The following CHD1L variants were observed in gnomAD, a reference collection of about 807,000 sequenced individuals.
CHD1L encodes chromodomain helicase DNA binding protein 1 like.
CHD1L carries 118 observed loss-of-function variants against 115.9 expected under a neutral mutation model. The ratio of observed to expected loss-of-function variants is 1.02; its 90% CI spans 0.88 to 1.19. The LOEUF is 1.19. CHD1L is among the 50% of genes most tolerant of loss of function. The pLI is 0.00. For synonymous variants in CHD1L, 411 were observed against 387.1 expected, an observed-to-expected ratio of 1.06 and a Z score of -0.72; for missense variants, 1,179 against 1,065.3, an observed-to-expected ratio of 1.11 and a Z score of -1.49.
chr1:147,278,503 A>G lies in CHD1L; in HGVS notation c.1540-1523A>G, dbSNP rs1247972809. ...CTCCTAAAGTGCTGGGATTACAGGC[A>G]TGAGCCACTGCGCCTGGGGGTATTT... On this transcript the variant is annotated intron_variant, in intron 14 of 22. Coordinates refer to ENST00000369258, the MANE Select transcript of CHD1L (RefSeq NM_004284.6). 6.2e-5 allele frequency among the ~76,000 whole-genome samples: 9 copies of G among 145,614 alleles called. No homozygotes were observed. The East Asian group carries it at 1.0e-3, about 16-fold the overall frequency.
the CHD1L span, among the ~76,000 whole-genome samples, chr1:147,192,334 C>CT: frequency 6.6e-6 from 1 of 151,732 alleles, no homozygotes; most frequent in Non-Finnish European, 1.5e-5. Context: ...GTGTATAAGA[C>CT]TGCTTGTGAT....
At chr1:147,186,941 G>C in the CHD1L span, 11 of 1,614,016 alleles carry the variant, frequency 6.8e-6, no homozygotes, top group South Asian at 9.9e-5. Context: ...GCAAGAGCTA[G>C]CATAAACTTG....
the CHD1L span, among the ~76,000 whole-genome samples, chr1:147,202,305 A>C: frequency 8.4e-5 from 11 of 131,328 alleles, no homozygotes; most frequent in Admixed American, 7.7e-4. Flanking sequence ...CTTTCTAAAA[A>C]GCAGTTCTTT....
chr1:147,203,629 C>T, the CHD1L span: 3 of 1,258,712 alleles, frequency 2.4e-6, no homozygotes, highest in Non-Finnish European at 3.5e-6. Context: ...TAATAGCGTA[C>T]TGTTCAAGTC....
chr1:147,220,113 C>T, the CHD1L span, among the ~76,000 whole-genome samples: 1 of 152,158 alleles, frequency 6.6e-6, no homozygotes, highest in Admixed American at 6.5e-5. Context: ...GCTGGGATTA[C>T]AGGCATGAGC....
the CHD1L span, chr1:147,176,014 G>A: frequency 6.6e-6 from 1 of 151,008 alleles, no homozygotes. Flanking sequence ...GGGGAGGTAT[G>A]GAACAGGTCT....
At position 147,285,397 on chromosome 1, in the gene CHD1L, GA is replaced by G. The variant is rs782144677; in HGVS notation, c.1929del (p.Arg643SerfsTer16). The stretch of plus-strand genomic sequence containing the variant: ...CTGAGTCCAGAAGAGCTGGAGGACA[GA>G]CAGAAGAAAAGACAAGAAGCAGCTG... The part of the protein sequence containing the change: ...RVLSPEELED[R>X]QKKRQEAAAK... On this transcript the variant is annotated frameshift_variant, in exon 17 of 23. Transcript: ENST00000369258. LOFTEE classifies it high-confidence loss of function. The G allele has an allele frequency of 4.2e-5, 67 of 1,613,948 alleles. No individual in the cohort carries two copies. In the Middle Eastern group the frequency reaches 6.6e-4, roughly 16 times the overall value.
At chr1:147,180,552 G>A in the CHD1L span, among the ~76,000 whole-genome samples, 5,610 of 152,252 alleles carry the variant, frequency 0.037, 149 homozygotes, top group South Asian at 0.095. Flanking sequence ...TGGCCTCCCA[G>A]AGTGCTGGGA....
intron 14 of CHD1L, among the ~76,000 whole-genome samples, chr1:147,277,908 G>C (rs1207746874): frequency 6.6e-6 from 1 of 152,136 alleles, no homozygotes; most frequent in African/African-American, 2.4e-5. Context: ...CCAGTGGAGG[G>C]AGCGCCAGGG....
intron 1 of CHD1L, among the ~76,000 whole-genome samples, chr1:147,245,851 G>A (rs4950391): frequency 0.48 from 73,147 of 151,796 alleles, 18,235 homozygotes; most frequent in East Asian, 0.7. Context: ...GAAATAATAC[G>A]GAAGGATCCC....
chr1:147,249,831 T>G (rs1448166582), intron 1 of CHD1L, among the ~76,000 whole-genome samples: 1 of 152,236 alleles, frequency 6.6e-6, no homozygotes, highest in African/African-American at 2.4e-5. Context: ...CTGTTTTTAT[T>G]GGACAACATT....
At chr1:147,267,349 A>T in intron 8 of CHD1L, 77 bp from the exon 9 acceptor site, 1 of 1,067,596 alleles carries the variant, frequency 9.4e-7, no homozygotes, top group South Asian at 1.4e-5. Context: ...GGTTACTTGT[A>T]AAAACTCAGG....
chr1:147,230,973 A>AT, the CHD1L span, among the ~76,000 whole-genome samples: 5 of 150,992 alleles, frequency 3.3e-5, no homozygotes, highest in Non-Finnish European at 7.4e-5. Flanking sequence ...GGATTCATTG[A>AT]TTTTTTGAAG....
intron 13 of CHD1L, 47 bp from the exon 14 acceptor site, chr1:147,276,057 C>G (rs1304479287): frequency 2.5e-6 from 4 of 1,586,434 alleles, no homozygotes; most frequent in Non-Finnish European, 3.4e-6. Flanking sequence ...TTTTGCCCAG[C>G]TTTGCACACC....
At chr1:147,234,020 G>GACCTTC in the CHD1L span, among the ~76,000 whole-genome samples, 7 of 152,170 alleles carry the variant, frequency 4.6e-5, no homozygotes, top group East Asian at 1.4e-3. Context: ...TTTATCTGCT[G>GACCTTC]ACCTTCCCTC....
At chr1:147,287,795 C>G in intron 19 of CHD1L, 62 bp downstream of exon 19, 1 of 1,394,692 alleles carries the variant, frequency 7.2e-7, no homozygotes, top group East Asian at 2.3e-5. Context: ...ACACCTAAGA[C>G]TGTATCGTGA....
chr1:147,196,842 A>G, the CHD1L span, among the ~76,000 whole-genome samples: 1 of 151,988 alleles, frequency 6.6e-6, no homozygotes, highest in Admixed American at 6.6e-5. Context: ...TCTGTCACCA[A>G]ATTCTTCAGA....
chr1:147,273,672 G>A (rs1326855586), intron 12 of CHD1L, among the ~76,000 whole-genome samples: 2 of 152,166 alleles, frequency 1.3e-5, no homozygotes, highest in African/African-American at 2.4e-5. Flanking sequence ...TATTCAGAGA[G>A]CAGCATTATG....
At chr1:147,217,195 C>T in the CHD1L span, among the ~76,000 whole-genome samples, 58 of 151,614 alleles carry the variant, frequency 3.8e-4, no homozygotes, top group African/African-American at 1.3e-3. Flanking sequence ...ACAGAGATAG[C>T]GCCATTGCAC....
Sources: gnomAD v4.1 joint callset for allele counts (sites outside exome capture counted in the v4.1 genomes callset) on GRCh38, gnomAD v4.1.1 for gene constraint, MANE v1.5 for transcripts, NCBI Gene and HGNC (gene_info 2026-07-23, HGNC 2026-07-21) for gene names.